The following DAPL1 variants were observed in gnomAD, a reference collection of about 807,000 sequenced individuals.
DAPL1 encodes the protein death-associated protein-like 1.
DAPL1 carries 17 observed loss-of-function variants against 12.9 expected under a neutral mutation model. The ratio of observed to expected loss-of-function variants is 1.32; its 90% CI spans 0.90 to 1.98. The LOEUF (loss-of-function observed/expected upper bound fraction) is 1.98, where lower values mean the gene tolerates loss of function less well. Among genes scored for constraint, DAPL1 ranks in the 30% most tolerant of loss-of-function variants. The pLI is 0.00. For synonymous variants in DAPL1, 51 were observed against 42.0 expected, an observed-to-expected ratio of 1.21 and a Z score of -0.82; for missense variants, 157 against 125.7, an observed-to-expected ratio of 1.25 and a Z score of -1.19.
intron 3 of DAPL1, among the ~76,000 whole-genome samples, chr2:158,809,817 C>T (rs573198777): frequency 2.0e-5 from 3 of 152,118 alleles, no homozygotes; most frequent in African/African-American, 7.2e-5. Flanking sequence ...ATCTCAAAAA[C>T]GAACATTGGT....
At chr2:158,815,560 A>G (rs961802113) in intron 3 of DAPL1, 145 bp from the exon 4 acceptor site, 10 of 668,204 alleles carry the variant, frequency 1.5e-5, no homozygotes, top group African/African-American at 1.4e-4. Flanking sequence ...AGGGCTAGAA[A>G]TAGTATGGAA....
At chr2:158,815,144 G>A (rs1281282639) in intron 3 of DAPL1, among the ~76,000 whole-genome samples, 2 of 152,154 alleles carry the variant, frequency 1.3e-5, no homozygotes, top group African/African-American at 2.4e-5. Context: ...TGTTCCCTGA[G>A]GCTAGTAGGC....
chr2:158,801,673 A>G (rs896055634), intron 1 of DAPL1, among the ~76,000 whole-genome samples: 1 of 152,178 alleles, frequency 6.6e-6, no homozygotes, highest in African/African-American at 2.4e-5. Flanking sequence ...AAACTTGGTA[A>G]TTCAAATGAC....
At chr2:158,812,904 TC>T (rs1443710382) in intron 3 of DAPL1, among the ~76,000 whole-genome samples, 1 of 151,908 alleles carries the variant, frequency 6.6e-6, no homozygotes, top group East Asian at 1.9e-4. Flanking sequence ...AAGTAGGGAC[TC>T]AGAACAGATA....
rs369634194 is a variant in DAPL1 at position 158,800,108 on chromosome 2, C to T, written c.59-4174C>T. Among the ~76,000 whole-genome samples, 8 of 151,264 alleles carry T rather than the reference C, an allele frequency of 5.3e-5. No homozygotes were observed. In the East Asian group the frequency reaches 9.7e-4, roughly 18 times the overall value. On this transcript the variant is annotated intron_variant, in intron 1 of 3. Coordinates refer to ENST00000309950, the MANE Select transcript of DAPL1 (RefSeq NM_001017920.3). ...TTGGCATTTATTTCTTTGTTAAATG[C>T]CTTATGCTCTTTCCAAAGAGAAAGA...
At chr2:158,802,046 G>A (rs1236064423) in intron 1 of DAPL1, among the ~76,000 whole-genome samples, 2 of 152,176 alleles carry the variant, frequency 1.3e-5, no homozygotes, top group African/African-American at 2.4e-5. Flanking sequence ...AATTAAAACA[G>A]TGATATACCT....
intron 3 of DAPL1, among the ~76,000 whole-genome samples, chr2:158,813,745 T>C (rs191138971): frequency 0.035 from 5,277 of 152,136 alleles, 128 homozygotes; most frequent in Middle Eastern, 0.11. Context: ...TTAGTAGAGA[T>C]GGGGTTTCAC....
rs370486613 is a variant in DAPL1, at chr2:158,804,356, T to C, written c.133T>C (p.Phe45Leu). ...GGAAAGACATACCAAAAAAACAGGATTCGAGAAAACAAGGTAGGGACTCTT... is the reference window on the plus strand; with the variant it reads ...GGAAAGACATACCAAAAAAACAGGACTCGAGAAAACAAGGTAGGGACTCTT... ...TLERHTKKTG[F>L]EKTSAIANVA... Residue 45 changes from phenylalanine to leucine, a missense_variant, in exon 2 of 4, where the codon TTC becomes CTC. Transcript: ENST00000309950. 4 of 1,610,126 alleles carry C rather than the reference T, an allele frequency of 2.5e-6. No individual in the cohort carries two copies. Among genetic ancestry groups the C allele is most frequent in the African/African-American group, 2.7e-5 (2 of 74,752 alleles).
At chr2:158,800,062 C>CA (rs1553492201) in intron 1 of DAPL1, among the ~76,000 whole-genome samples, 3,162 of 44,474 alleles carry the variant, frequency 0.071, 145 homozygotes, top group African/African-American at 0.27. Context: ...GACTCCATCT[C>CA]AAAAAAAAAA....
At chr2:158,805,101 G>A (rs545132061) in intron 2 of DAPL1, among the ~76,000 whole-genome samples, 10 of 152,320 alleles carry the variant, frequency 6.6e-5, no homozygotes, top group African/African-American at 1.9e-4. Context: ...CAGTTGATGA[G>A]TAATTCAAAA....
intron 1 of DAPL1, 128 bp downstream of exon 1, chr2:158,795,558 C>A (rs2059130168): frequency 3.5e-6 from 3 of 850,408 alleles, no homozygotes; most frequent in Non-Finnish European, 5.7e-6. Flanking sequence ...CTCCATGCAG[C>A]CTGACTTCCT....
At position 158,809,678 on chromosome 2, in the gene DAPL1, C is replaced by T. The variant is rs115793899; in HGVS notation, c.207+2563C>T. 5.9e-3 allele frequency among the ~76,000 whole-genome samples: 903 copies of T among 152,260 alleles called. 7 individuals carry two copies. The highest frequency in any genetic ancestry group is 0.021 in the African/African-American group (852 of 41,544). On this transcript the variant is annotated intron_variant, in intron 3 of 3. Coordinates refer to ENST00000309950, the MANE Select transcript of DAPL1 (RefSeq NM_001017920.3). ...GAAGTTACATAATACATGCGCAGTG[C>T]TAGGATACTTAGCCCTCAGCAAGTG...
chr2:158,810,079 A>G (rs2059222539), intron 3 of DAPL1, among the ~76,000 whole-genome samples: 1 of 152,210 alleles, frequency 6.6e-6, no homozygotes, highest in South Asian at 2.1e-4. Context: ...TGTACTTGTC[A>G]AGACTCATAA....
chr2:158,803,445 C>T (rs1410900417), intron 1 of DAPL1, among the ~76,000 whole-genome samples: 1 of 152,214 alleles, frequency 6.6e-6, no homozygotes, highest in Non-Finnish European at 1.5e-5. Flanking sequence ...AAAGAATTAA[C>T]AGGCTCAAAC....
intron 3 of DAPL1, among the ~76,000 whole-genome samples, chr2:158,808,478 T>C (rs1362709625): frequency 6.6e-6 from 1 of 152,192 alleles, no homozygotes; most frequent in East Asian, 1.9e-4. Flanking sequence ...GATCGTAGTA[T>C]TGGTTTTTAT....
At chr2:158,800,819 AC>A (rs1401187466) in intron 1 of DAPL1, among the ~76,000 whole-genome samples, 1 of 152,158 alleles carries the variant, frequency 6.6e-6, no homozygotes, top group Non-Finnish European at 1.5e-5. Context: ...AATGAGTGGT[AC>A]AGAACTCAGC....
In DAPL1 at chr2:158,815,943, C is replaced by A. The variant is rs1000245212; in HGVS notation, c.*122C>A. 2.7e-5 allele frequency: 19 copies of A among 700,664 alleles called. No individual in the cohort carries two copies. The African/African-American group carries it at 2.9e-4, about 11-fold the overall frequency. The allele number at this position is 700,664 out of a possible 1,614,324, so 43.4% of individuals were successfully genotyped here. A position where few individuals can be genotyped will look rare whatever the true frequency, so the allele number is the denominator to read the frequency against. Reference sequence around the variant, plus strand: ...TTGGTAAATTAAGCAGCTTTTGTATCTTCCCCTTTGACTTTAGGTAATAAA... The same window carrying A: ...TTGGTAAATTAAGCAGCTTTTGTATATTCCCCTTTGACTTTAGGTAATAAA... On this transcript the variant is annotated 3_prime_UTR_variant, in exon 4 of 4. Coordinates refer to ENST00000309950, the MANE Select transcript of DAPL1 (RefSeq NM_001017920.3).
intron 3 of DAPL1, among the ~76,000 whole-genome samples, chr2:158,808,910 T>C (rs1253436914): frequency 6.6e-6 from 1 of 152,242 alleles, no homozygotes; most frequent in Non-Finnish European, 1.5e-5. Context: ...TTACGTTCTG[T>C]TCTTATAGAC....
intron 3 of DAPL1, among the ~76,000 whole-genome samples, chr2:158,812,009 T>C (rs1249944758): frequency 6.6e-6 from 1 of 152,232 alleles, no homozygotes; most frequent in Non-Finnish European, 1.5e-5. Context: ...TCAATTCTGA[T>C]GAAGATCCTT....
Sources: gnomAD v4.1 joint callset for allele counts (sites outside exome capture counted in the v4.1 genomes callset) on GRCh38, gnomAD v4.1.1 for gene constraint, MANE v1.5 for transcripts, NCBI Gene and HGNC (gene_info 2026-07-23, HGNC 2026-07-21) for gene names.